CEP83: variants seen among roughly 807,000 people sequenced by gnomAD.
The protein encoded by CEP83 is centrosomal protein of 83 kDa.
Under a neutral mutation model 101.9 loss-of-function variants are expected in CEP83, and 70 were observed. The observed-to-expected ratio is 0.69, with a 90% CI of 0.57 to 0.84. The LOEUF is 0.84. CEP83 is among the 40% of genes least tolerant of loss of function. The pLI is 0.00. For missense variants in CEP83, 715 were observed against 787.2 expected (o/e 0.91, Z 1.10); for synonymous variants, 264 against 267.9 (o/e 0.99, Z 0.14).
chr12:94,280,165 G>C, the CEP83 span: 1 of 232,130 alleles, frequency 4.3e-6, no homozygotes, highest in Non-Finnish European at 8.7e-6. Flanking sequence ...GTGTGCAGCA[G>C]CATCTGCTAT....
intron 2 of CEP83, among the ~76,000 whole-genome samples, chr12:94,426,724 T>C (rs1260989416): frequency 6.6e-6 from 1 of 152,314 alleles, no homozygotes; most frequent in Middle Eastern, 3.4e-3. Flanking sequence ...GAGAGGCTTA[T>C]GCTGGATTAT....
chr12:94,390,056 C>G (rs2062421329), intron 6 of CEP83, among the ~76,000 whole-genome samples: 1 of 152,240 alleles, frequency 6.6e-6, no homozygotes, highest in African/African-American at 2.4e-5. Flanking sequence ...GAACAAAAGG[C>G]AGCAGACAAC....
At chr12:94,286,662 T>C in the CEP83 span, among the ~76,000 whole-genome samples, 1 of 146,682 alleles carries the variant, frequency 6.8e-6, no homozygotes, top group East Asian at 2.0e-4. Flanking sequence ...AAATAGGGTC[T>C]AATTCAGAGT....
At chr12:94,397,881 T>TG (rs2062996728) in intron 6 of CEP83, among the ~76,000 whole-genome samples, 1 of 152,206 alleles carries the variant, frequency 6.6e-6, no homozygotes, top group African/African-American at 2.4e-5. Flanking sequence ...ACATGTAGTG[T>TG]ATATATTACC....
At chr12:94,353,822 A>G (rs1356063073) in intron 11 of CEP83, among the ~76,000 whole-genome samples, 2 of 151,688 alleles carry the variant, frequency 1.3e-5, no homozygotes, top group African/African-American at 4.8e-5. Context: ...TAAGTCAAAA[A>G]CTGTGAAAAG....
Position 94,331,723 on chromosome 12 carries a change from G to C in CEP83, c.1684C>G (p.Arg562Gly). 1 of 1,613,836 alleles carries C rather than the reference G, an allele frequency of 6.2e-7. No homozygotes were observed. The highest frequency in any genetic ancestry group is 1.3e-5 in the African/African-American group (1 of 75,010). The change falls in exon 14 of 17, where the codon CGA becomes GGA. Residue 562 changes from arginine (R) to glycine (G), a missense_variant. Coordinates refer to ENST00000397809, the MANE Select transcript of CEP83 (RefSeq NM_016122.3). ...KYNQAKEKLQ[R>G]AAIAQKKRKS... ...GCCTTTTTCTGGGCAATTGCAGCTC[G>C]CTGCAGTTTCTCCTTAGCTTGATTG... is the stretch of plus-strand genomic sequence containing the variant.
intron 11 of CEP83, among the ~76,000 whole-genome samples, chr12:94,366,021 C>T (rs1018329863): frequency 6.6e-6 from 1 of 151,994 alleles, no homozygotes; most frequent in African/African-American, 2.4e-5. Context: ...AAACCAGAAA[C>T]TAATGAGATT....
intron 1 of CEP83, among the ~76,000 whole-genome samples, chr12:94,454,092 T>A (rs1333794733): frequency 2.0e-5 from 3 of 146,610 alleles, no homozygotes; most frequent in Admixed American, 6.7e-5. Context: ...TAAGACTATG[T>A]CTCAAAAAAA....
chr12:94,312,852 G>C, intron 15 of CEP83, 62 bp downstream of exon 15: 7 of 1,264,588 alleles, frequency 5.5e-6, no homozygotes, highest in Middle Eastern at 1.9e-4. Flanking sequence ...GTTATACTTA[G>C]AGACAAAGTT....
Position 94,368,052 on chromosome 12 carries a change from C to T in CEP83, c.1193+5G>A, listed in dbSNP as rs767362608. ...TAAGTCAAACTAAGGTAATTAAGTA[C>T]TTACTTTTCATCTTGTAATACCACA... On this transcript the variant is annotated splice_donor_5th_base_variant and intron_variant, in intron 10 of 16. Coordinates refer to ENST00000397809, the MANE Select transcript of CEP83 (RefSeq NM_016122.3). 8 of 1,611,762 alleles carry T rather than the reference C, an allele frequency of 5.0e-6. No individual in the cohort carries two copies. The highest frequency in any genetic ancestry group is 1.7e-6 in the Non-Finnish European group (2 of 1,178,784).
chr12:94,283,148 G>C, the CEP83 span, among the ~76,000 whole-genome samples: 1 of 120,108 alleles, frequency 8.3e-6, no homozygotes, highest in East Asian at 2.4e-4. Context: ...CCCTGGGGAA[G>C]GAGTGCAAAA....
the CEP83 span, chr12:94,297,467 T>TG: frequency 2.3e-6 from 3 of 1,292,770 alleles, no homozygotes; most frequent in Non-Finnish European, 3.3e-6. Context: ...ACCTAGGGGG[T>TG]GTATGATATG....
Position 94,370,135 on chromosome 12 carries a change from A to G in CEP83, c.934-99T>C, listed in dbSNP as rs1034578551. ...GGAAACAAGAAAACGCTCTGGTAGT[A>G]AAGTAGAGTCTAAGTATCTTCCAAG... On this transcript the variant is annotated intron_variant, in intron 8 of 16. Coordinates refer to ENST00000397809, the MANE Select transcript of CEP83 (RefSeq NM_016122.3). 5 of 697,150 alleles carry G rather than the reference A, an allele frequency of 7.2e-6. No homozygotes were observed. The African/African-American group carries it at 8.8e-5, about 12-fold the overall frequency. The allele number at this position is 697,150 out of a possible 1,614,324, so 43.2% of individuals were successfully genotyped here. A position where few individuals can be genotyped will look rare whatever the true frequency, so the allele number is the denominator to read the frequency against.
chr12:94,295,416 T>C, the CEP83 span, among the ~76,000 whole-genome samples: 3 of 152,336 alleles, frequency 2.0e-5, no homozygotes, highest in East Asian at 5.8e-4. Flanking sequence ...GTCTTTGTGT[T>C]GAAAAGTGGA....
At chr12:94,383,614 T>C (rs1409256538) in intron 6 of CEP83, among the ~76,000 whole-genome samples, 1 of 152,156 alleles carries the variant, frequency 6.6e-6, no homozygotes, top group Non-Finnish European at 1.5e-5. Flanking sequence ...TGTATTTTAA[T>C]TCATGTATTC....
the CEP83 span, chr12:94,297,241 GCTCACCACTGAA>G: frequency 6.2e-7 from 1 of 1,613,794 alleles, no homozygotes; most frequent in South Asian, 1.1e-5. Context: ...GCTTTCTTGT[GCTCACCACTGAA>G]CTGCATGCCT....
chr12:94,268,792 G>A, the CEP83 span, among the ~76,000 whole-genome samples: 12 of 151,760 alleles, frequency 7.9e-5, no homozygotes, highest in Admixed American at 2.0e-4. Context: ...ACGGGTTTTC[G>A]CCGTGTTGGC....
At chr12:94,304,028 T>C (rs774262002), downstream of CEP83, 1 of 1,569,006 alleles carries the variant, frequency 6.4e-7, no homozygotes, top group African/African-American at 1.4e-5. Flanking sequence ...AATTTACAAA[T>C]ACATCGTAAA....
intron 11 of CEP83, among the ~76,000 whole-genome samples, chr12:94,351,753 T>C (rs1195759693): frequency 6.6e-6 from 1 of 152,080 alleles, no homozygotes; most frequent in Non-Finnish European, 1.5e-5. Context: ...GATGGGCCCA[T>C]ATGGCAACAG....
Sources: gnomAD v4.1 joint callset for allele counts (sites outside exome capture counted in the v4.1 genomes callset) on GRCh38, gnomAD v4.1.1 for gene constraint, MANE v1.5 for transcripts, NCBI Gene and HGNC (gene_info 2026-07-23, HGNC 2026-07-21) for gene names.